The following TNS2 variants were observed in gnomAD, a reference collection of about 807,000 sequenced individuals.
TNS2 encodes tensin-2.
TNS2 carries 77 observed loss-of-function variants against 155.7 expected under a neutral mutation model. The observed-to-expected ratio is 0.49, with a 90% confidence interval of 0.41 to 0.60. TNS2 has a LOEUF of 0.60. Among genes scored for constraint, TNS2 ranks in the 20% least tolerant of loss-of-function variants. The pLI, the probability that TNS2 is intolerant of heterozygous loss-of-function variation, is 0.00. For synonymous variants in TNS2, 726 were observed against 763.9 expected (o/e 0.95, Z 0.82); for missense variants, 1,703 against 1,868.8 (o/e 0.91, Z 1.64).
intron 21 of TNS2, 27 bp downstream of exon 21, chr12:53,061,496 A>G: frequency 6.2e-7 from 1 of 1,608,470 alleles, no homozygotes; most frequent in Non-Finnish European, 8.5e-7. Context: ...CCCCCACCCC[A>G]CTGCATCCCA....
chr12:53,053,051 A>T, intron 3 of TNS2: 1 of 365,130 alleles, frequency 2.7e-6, no homozygotes, highest in Non-Finnish European at 5.3e-6. Flanking sequence ...AGGGCCCTGG[A>T]GCTGGCTTGG....
rs1944104512 is a variant in TNS2 at position 53,055,234 on chromosome 12, A to C, written c.571A>C (p.Lys191Gln). 3 of 1,613,794 alleles carry C rather than the reference A, an allele frequency of 1.9e-6. No homozygotes were observed. The highest frequency in any genetic ancestry group is 1.6e-4 in the Middle Eastern group (1 of 6,084). Residue 191 changes from lysine (K) to glutamine (Q), a missense_variant and splice_region_variant, in exon 8 of 29, where the codon AAG (lysine) becomes CAG (glutamine). Transcript: ENST00000314250. ...KRHDLTRLNP[K>Q]VQDFGWPELH... ...GCATGACCTGACCCGCTTAAACCCC[A>C]AGGTATGAAGGAAATGGCCTGCCCA... is the stretch of plus-strand genomic sequence containing the variant.
chr12:53,054,322 T>C lies in TNS2; in HGVS notation c.403T>C (p.Tyr135His). The change falls in exon 7 of 29, where the codon TAC (tyrosine) becomes CAC (histidine). Residue 135 changes from tyrosine (Y) to histidine (H), a missense_variant. By Grantham distance (83) the Tyr-to-His change is moderately conservative. Transcript: ENST00000314250. The stretch of plus-strand genomic sequence containing the variant: ...GCGGCGCTGGGACTTAGACCTCACC[T>C]ACGTGACGGAGCGCATCTTGGCCGC... ...MERRWDLDLT[Y>H]VTERILAAAF... 1 of 1,613,272 alleles carries C rather than the reference T, an allele frequency of 6.2e-7. No homozygotes were observed. The highest frequency in any genetic ancestry group is 1.1e-5 in the South Asian group (1 of 91,080).
Position 53,061,825 on chromosome 12 carries a change from G to A in TNS2, c.3459G>A (p.Leu1153=). Residue 1153 remains leucine, a synonymous_variant, in exon 22 of 29, where the codon CTG becomes CTA. Coordinates refer to ENST00000314250, the MANE Select transcript of TNS2 (RefSeq NM_170754.4). ...PHLSRDQAIA[L]LKDKDPGAFL... Reference sequence around the variant, plus strand: ...CCCCTCACCCTGCAGCCATTGCCCTGCTGAAGGACAAGGACCCTGGGGCCT... The same window carrying A: ...CCCCTCACCCTGCAGCCATTGCCCTACTGAAGGACAAGGACCCTGGGGCCT... 1 of 1,613,074 alleles carries A rather than the reference G, an allele frequency of 6.2e-7. No individual in the cohort carries two copies. Among genetic ancestry groups the A allele is most frequent in the Non-Finnish European group, 8.5e-7 (1 of 1,179,584 alleles).
At chr12:53,062,718 C>A in intron 25 of TNS2, 21 bp downstream of exon 25, 1 of 1,612,762 alleles carries the variant, frequency 6.2e-7, no homozygotes. Flanking sequence ...CCCCTCCACT[C>A]CCCTCCCTCT....
chr12:53,063,447 A>G lies in TNS2; in HGVS notation c.4061+30A>G. 6.2e-7 allele frequency: 1 copy of G among 1,613,194 alleles called. No homozygotes were observed. Among genetic ancestry groups the G allele is most frequent in the Non-Finnish European group, 8.5e-7 (1 of 1,179,950 alleles). ...CTCTCCCTCCAAACCCTTTGCCCCA[A>G]ATCCCCATGGTCCCACCAGGTCCCA... On this transcript the variant is annotated intron_variant, in intron 27 of 28. Transcript: ENST00000314250. The surrounding 1 kb of genome is among the most constrained non-coding windows in gnomAD (Gnocchi z 5.6).
chr12:53,049,176 G>A (rs755380495), upstream of TNS2: 7 of 1,587,630 alleles, frequency 4.4e-6, no homozygotes, highest in South Asian at 1.2e-5. Context: ...TTGGGAGGGG[G>A]GACCTCCTGT....
At position 53,054,397 on chromosome 12, in the gene TNS2, G is replaced by A. The variant is rs1944057046; in HGVS notation, c.478G>A (p.Glu160Lys). ...DEQRHRGHLR[E>K]LAHVLQSKHR... ...ACAGCGGCACCGGGGCCACCTGCGC[G>A]AGCTGGCCCATGTGCTGCAATCCAA... Residue 160 changes from glutamate to lysine, a missense_variant, in exon 7 of 29, where the codon GAG (glutamate) becomes AAG (lysine). By Grantham distance (56) the Glu-to-Lys change is moderately conservative. Transcript: ENST00000314250. 2 of 1,609,888 alleles carry A rather than the reference G, an allele frequency of 1.2e-6. No individual in the cohort carries two copies. The highest frequency in any genetic ancestry group is 1.7e-5 in the Admixed American group (1 of 58,574).
intron 3 of TNS2, among the ~76,000 whole-genome samples, chr12:53,052,892 G>A (rs1943992001): frequency 6.6e-6 from 1 of 152,140 alleles, no homozygotes; most frequent in African/African-American, 2.4e-5. Context: ...AAAATGCCTG[G>A]GCGGGTCTTG....
In TNS2 at chr12:53,054,370, G is replaced by A. The variant is rs1944053106; in HGVS notation, c.451G>A (p.Glu151Lys). ...LAAAFPARPDEQRHRGHLREL... is the reference protein window; with the variant it reads ...LAAAFPARPDKQRHRGHLREL... ...CGCCGCCTTCCCCGCGCGGCCCGATGAACAGCGGCACCGGGGCCACCTGCG... is the reference window on the plus strand; with the variant it reads ...CGCCGCCTTCCCCGCGCGGCCCGATAAACAGCGGCACCGGGGCCACCTGCG... The change falls in exon 7 of 29, where the codon GAA (glutamate) becomes AAA (lysine). Residue 151 changes from glutamate (E) to lysine (K), a missense_variant. Glu to Lys is a moderately conservative substitution (Grantham distance 56). Coordinates refer to ENST00000314250, the MANE Select transcript of TNS2 (RefSeq NM_170754.4). The A allele has an allele frequency of 6.2e-7, 1 of 1,612,468 alleles. No homozygotes were observed.
intron 8 of TNS2, 30 bp from the exon 9 acceptor site, chr12:53,055,538 G>A: frequency 6.3e-7 from 1 of 1,575,308 alleles, no homozygotes; most frequent in East Asian, 2.3e-5. Context: ...GTGGCCCCCG[G>A]CCCCAGTTGC....
upstream of TNS2, among the ~76,000 whole-genome samples, chr12:53,047,921 C>T (rs1943785136): frequency 6.6e-6 from 1 of 152,140 alleles, no homozygotes; most frequent in African/African-American, 2.4e-5. Context: ...CCGCGGCGGC[C>T]GGGCTCCCAG....
rs1318070051 is a variant in TNS2, at chr12:53,064,236, C to T, written c.*354C>T. On this transcript the variant is annotated 3_prime_UTR_variant, in exon 29 of 29. Coordinates refer to ENST00000314250, the MANE Select transcript of TNS2 (RefSeq NM_170754.4). Reference sequence around the variant, plus strand: ...GCCAGTTCCACCCAGCTGCAGGTGCCAGCACGGCAGGGATGGGAGAGGGGT... The same window carrying T: ...GCCAGTTCCACCCAGCTGCAGGTGCTAGCACGGCAGGGATGGGAGAGGGGT... 2 of 255,838 alleles carry T rather than the reference C, an allele frequency of 7.8e-6. No individual in the cohort carries two copies. The highest frequency in any genetic ancestry group is 1.0e-4 in the Admixed American group (2 of 20,054). 15.8% of individuals were successfully genotyped at this position (255,838 alleles called of 1,614,324 possible). A position where few individuals can be genotyped will look rare whatever the true frequency, so the allele number is the denominator to read the frequency against.
chr12:53,060,469 C>T lies in TNS2; in HGVS notation c.2682C>T (p.Pro894=). The T allele has an allele frequency of 6.2e-7, 1 of 1,613,780 alleles. No homozygotes were observed. Among genetic ancestry groups the T allele is most frequent in the Non-Finnish European group, 8.5e-7 (1 of 1,179,992 alleles). Residue 894 remains proline, a synonymous_variant, in exon 19 of 29, where the codon CCC becomes CCT. Coordinates refer to ENST00000314250, the MANE Select transcript of TNS2 (RefSeq NM_170754.4). The surrounding 1 kb of genome is among the most constrained non-coding windows in gnomAD (Gnocchi z 6.1). Reference sequence around the variant, plus strand: ...GGCACAGCACACTGCCTCGGTCTCCCCGAGATGCCCCATGCAGTGCTTCGT... The same window carrying T: ...GGCACAGCACACTGCCTCGGTCTCCTCGAGATGCCCCATGCAGTGCTTCGT... ...PSGHSTLPRS[P]RDAPCSASSE... is the part of the protein sequence containing the mutation.
chr12:53,048,384 T>C (rs1943803584), upstream of TNS2, among the ~76,000 whole-genome samples: 1 of 152,104 alleles, frequency 6.6e-6, no homozygotes, highest in South Asian at 2.1e-4. Context: ...GTGAAGCATG[T>C]AGAGGAGTCC....
chr12:53,050,339 C>G lies in TNS2; in HGVS notation c.75+79C>G, dbSNP rs1056138756. On this transcript the variant is annotated intron_variant, in intron 1 of 28. Coordinates refer to ENST00000314250, the MANE Select transcript of TNS2 (RefSeq NM_170754.4). The surrounding 1 kb of genome is among the most constrained non-coding windows in gnomAD (Gnocchi z 4.7). ...GTGGGGGAGGGGACCAGGAATCAGG[C>G]CAGGCCTTCTTCCCAATTTCAGCTT... The G allele has an allele frequency of 1.5e-5, 22 of 1,441,578 alleles. No individual in the cohort carries two copies. The highest frequency in any genetic ancestry group is 2.8e-5 in the African/African-American group (2 of 70,362). The allele number at this position is 1,441,578 out of a possible 1,614,324, so 89.3% of individuals were successfully genotyped here.
chr12:53,060,789 G>A lies in TNS2; in HGVS notation c.2883G>A (p.Pro961=), dbSNP rs753462923. 11 of 1,611,984 alleles carry A rather than the reference G, an allele frequency of 6.8e-6. No individual in the cohort carries two copies. Among genetic ancestry groups the A allele is most frequent in the Middle Eastern group, 1.6e-4 (1 of 6,076 alleles). The change falls in exon 20 of 29, where the codon CCG becomes CCA. Residue 961 remains proline, a synonymous_variant. Coordinates refer to ENST00000314250, the MANE Select transcript of TNS2 (RefSeq NM_170754.4). This position sits in a 1 kb window ranked among gnomAD's most constrained non-coding sequence, Gnocchi z 6.1. ...QAGTGKAPEL[P]SGSGPEPLAP... Reference sequence around the variant, plus strand: ...GCACCGGAAAGGCCCCTGAGCTGCCGTCGGGAAGTGGGCCTGAGCCTCTGG... The same window carrying A: ...GCACCGGAAAGGCCCCTGAGCTGCCATCGGGAAGTGGGCCTGAGCCTCTGG...
chr12:53,060,700 C>T lies in TNS2; in HGVS notation c.2794C>T (p.Pro932Ser). ...CACCCGGCGACAGGACACCAGGTCC[C>T]CCACCTCAGCGCCCACTCAGAGACT... ...ESTRRQDTRS[P>S]TSAPTQRLSP... is the part of the protein sequence containing the mutation. The change falls in exon 20 of 29, where the codon CCC becomes TCC. Residue 932 changes from proline (P) to serine (S), a missense_variant. Pro to Ser is a moderately conservative substitution (Grantham distance 74). Coordinates refer to ENST00000314250, the MANE Select transcript of TNS2 (RefSeq NM_170754.4). This position sits in a 1 kb window ranked among gnomAD's most constrained non-coding sequence, Gnocchi z 6.1. 1 of 1,584,706 alleles carries T rather than the reference C, an allele frequency of 6.3e-7. No homozygotes were observed. The highest frequency in any genetic ancestry group is 8.6e-7 in the Non-Finnish European group (1 of 1,161,138).
rs192673898 is a variant in TNS2, at chr12:53,054,468, G to A, written c.522+27G>A. The A allele has an allele frequency of 6.4e-6, 10 of 1,573,170 alleles. No individual in the cohort carries two copies. In the East Asian group the frequency reaches 6.8e-5, roughly 11 times the overall value. ...TGAGGGGCGGGGCCATCAGGAGTCC[G>A]CCAATGAGAGGGATGTAGGGTCCAG... On this transcript the variant is annotated intron_variant, in intron 7 of 28. Transcript: ENST00000314250.
Sources: gnomAD v4.1 joint callset for allele counts (sites outside exome capture counted in the v4.1 genomes callset) on GRCh38, gnomAD v4.1.1 for gene constraint, Gnocchi (gnomAD v3.1) non-coding constraint, MANE v1.5 for transcripts, NCBI Gene and HGNC (gene_info 2026-07-23, HGNC 2026-07-21) for gene names.